GATA3: variants seen among roughly 807,000 people sequenced by gnomAD.
GATA3 encodes trans-acting T-cell-specific transcription factor GATA-3.
GATA3 carries 6 observed loss-of-function variants against 36.0 expected under a neutral mutation model. The ratio of observed to expected loss-of-function variants is 0.17; its 90% CI spans 0.09 to 0.33. The LOEUF (loss-of-function observed/expected upper bound fraction) is 0.33. Ranked by LOEUF, GATA3 falls within the 10% of genes least tolerant of loss-of-function variation. The pLI is 1.00. For synonymous variants in GATA3, 326 were observed against 273.0 expected (o/e 1.19, Z -1.92); for missense variants, 514 against 610.1 (o/e 0.84, Z 1.66).
Position 8,059,455 on chromosome 10 carries a change from G to C in GATA3, c.778+614G>C, listed in dbSNP as rs3781095. ...GGGAGAAAGCGGTGGCTTTGCATTG[G>C]GGAAGCAGAGTTGAATGAAAATCAA... On this transcript the variant is annotated intron_variant, in intron 3 of 5. Coordinates refer to ENST00000379328, the MANE Select transcript of GATA3 (RefSeq NM_001002295.2). Among the ~76,000 whole-genome samples the C allele has an allele frequency of 5.9e-5, 9 of 152,306 alleles. 1 individual carries two copies. The East Asian group carries it at 1.7e-3, about 29-fold the overall frequency.
At chr10:8,048,285 C>A (rs2131464989) in intron 1 of GATA3, among the ~76,000 whole-genome samples, 1 of 152,168 alleles carries the variant, frequency 6.6e-6, no homozygotes, top group East Asian at 1.9e-4. Context: ...GGGAGTGGAG[C>A]AGGTGACTCC....
chr10:8,050,873 C>A (rs763859093), upstream of GATA3: 7 of 446,274 alleles, frequency 1.6e-5, no homozygotes, highest in Non-Finnish European at 2.7e-5. Flanking sequence ...TTTAGGACTT[C>A]GACCCCGGGG....
chr10:8,054,233 A>G (rs1052634335), upstream of GATA3, among the ~76,000 whole-genome samples: 1 of 152,202 alleles, frequency 6.6e-6, no homozygotes. This position sits in a 1 kb window ranked among gnomAD's most constrained non-coding sequence, Gnocchi z 4.2. Flanking sequence ...AACACCCTGC[A>G]TTAGATCCTA....
intron 3 of GATA3, among the ~76,000 whole-genome samples, chr10:8,059,141 A>G (rs1343461425): frequency 6.6e-6 from 1 of 152,216 alleles, no homozygotes; most frequent in Non-Finnish European, 1.5e-5. Flanking sequence ...GGACTTCTGG[A>G]TTGGGCTGGT....
intron 5 of GATA3, among the ~76,000 whole-genome samples, chr10:8,071,702 G>A (rs968050595): frequency 1.3e-5 from 2 of 152,142 alleles, no homozygotes; most frequent in South Asian, 4.1e-4. Context: ...GGCGATTGAT[G>A]TGTATTGAAC....
intron 3 of GATA3, among the ~76,000 whole-genome samples, chr10:8,059,952 A>G (rs1832720187): frequency 6.6e-6 from 1 of 152,176 alleles, no homozygotes; most frequent in Non-Finnish European, 1.5e-5. Flanking sequence ...CTGTCTCTCT[A>G]CAGATCCTAT....
At chr10:8,052,469 GC>G (rs1401102701), upstream of GATA3, 8 of 152,204 alleles carry the variant, frequency 5.3e-5, no homozygotes, top group Non-Finnish European at 1.0e-4. Flanking sequence ...CCTGGCATCC[GC>G]AGCGTTTCTG....
chr10:8,063,896 A>T (rs1486592893), intron 3 of GATA3, 97 bp from the exon 4 acceptor site: 10 of 1,556,748 alleles, frequency 6.4e-6, no homozygotes, highest in East Asian at 4.5e-5. Context: ...GAAGGAAAAA[A>T]GTTCTCCATT....
At chr10:8,061,474 AAG>A (rs1470122730) in intron 3 of GATA3, among the ~76,000 whole-genome samples, 1 of 152,128 alleles carries the variant, frequency 6.6e-6, no homozygotes, top group East Asian at 1.9e-4. Flanking sequence ...CTTGTCACCT[AAG>A]AGAGAGGTGT....
chr10:8,050,119 AG>A (rs1483622576), upstream of GATA3, among the ~76,000 whole-genome samples: 1 of 152,226 alleles, frequency 6.6e-6, no homozygotes, highest in African/African-American at 2.4e-5. Flanking sequence ...CAAGGAAAGA[AG>A]CCGGCGCCTC....
rs758858256 is a variant in GATA3 at position 8,064,148 on chromosome 10, C to T, written c.924+10C>T. On this transcript the variant is annotated intron_variant, in intron 4 of 5. Coordinates refer to ENST00000379328, the MANE Select transcript of GATA3 (RefSeq NM_001002295.2). ...GCCCAAGCGAAGGCTGGTAAGTTCTCGGGAAGGGATGGATTCCATGCTGAC... is the reference window on the plus strand; with the variant it reads ...GCCCAAGCGAAGGCTGGTAAGTTCTTGGGAAGGGATGGATTCCATGCTGAC... 9.3e-6 allele frequency: 15 copies of T among 1,614,030 alleles called. No individual in the cohort carries two copies. The highest frequency in any genetic ancestry group is 5.5e-5 in the South Asian group (5 of 91,062).
chr10:8,069,313 T>C (rs1172753404), intron 4 of GATA3, among the ~76,000 whole-genome samples, 160 bp from the exon 5 acceptor site: 1 of 151,980 alleles, frequency 6.6e-6, no homozygotes, highest in African/African-American at 2.4e-5. Context: ...CGAGGCAGCT[T>C]TTGGGGATCT....
intron 5 of GATA3, 29 bp downstream of exon 5, chr10:8,069,627 G>A (rs2131512573): frequency 6.2e-7 from 1 of 1,613,502 alleles, no homozygotes; most frequent in Non-Finnish European, 8.5e-7. Context: ...GCAAGAACAG[G>A]GCTCGCTTCC....
chr10:8,048,903 C>A (rs72784604), upstream of GATA3, among the ~76,000 whole-genome samples: 8,539 of 130,072 alleles, frequency 0.066, 255 homozygotes, highest in Non-Finnish European at 0.075. Context: ...GTGGTAGTGG[C>A]GGTGGGAGGG....
upstream of GATA3, chr10:8,050,748 G>A: frequency 3.5e-6 from 1 of 289,090 alleles, no homozygotes; most frequent in East Asian, 1.3e-4. Context: ...CTGCCTCGCT[G>A]GAAATCCGAC....
rs1256191790 is a variant in GATA3, at chr10:8,058,530, C to A, written c.467C>A (p.Thr156Asn). The change falls in exon 3 of 6, where the codon ACC (threonine) becomes AAC (asparagine). Residue 156 changes from threonine to asparagine, a missense_variant. Around this residue, in one of 3 missense-constraint regions of GATA3, gnomAD observed 381 missense variants for 354.3 expected, o/e 1.08. Transcript: ENST00000379328. ...ASPHLFTFPP[T>N]PPKDVSPDPS... ...CCGCACCTCTTCACCTTCCCGCCCA[C>A]CCCGCCGAAGGACGTCTCCCCGGAC... 1.2e-6 allele frequency: 2 copies of A among 1,611,974 alleles called. No individual in the cohort carries two copies. The highest frequency in any genetic ancestry group is 1.1e-5 in the South Asian group (1 of 91,052).
chr10:8,055,511 C>A lies in GATA3; in HGVS notation c.-145C>A. On this transcript the variant is annotated 5_prime_UTR_variant, in exon 2 of 6. Coordinates refer to ENST00000379328, the MANE Select transcript of GATA3 (RefSeq NM_001002295.2). The surrounding 1 kb of genome is among the most constrained non-coding windows in gnomAD (Gnocchi z 5.4). ...CCTTTGCTCACCTTTGCTTCCCAGC[C>A]TTCCCATCCCCCCACCGAAAGCAAA... 1.1e-6 allele frequency: 1 copy of A among 890,678 alleles called. No homozygotes were observed. The highest frequency in any genetic ancestry group is 1.7e-6 in the Non-Finnish European group (1 of 590,716). The allele number at this position is 890,678 out of a possible 1,614,324, so 55.2% of individuals were successfully genotyped here.
Position 8,069,499 on chromosome 10 carries a change from C to T in GATA3, c.951C>T (p.Ser317=), listed in dbSNP as rs1243370813. The T allele has an allele frequency of 7.4e-6, 12 of 1,613,792 alleles. No homozygotes were observed. The highest frequency in any genetic ancestry group is 1.0e-5 in the Non-Finnish European group (12 of 1,179,944). The change falls in exon 5 of 6, where the codon TCC becomes TCT. Residue 317 remains serine, a synonymous_variant. Transcript: ENST00000379328. ...CTGCAGCCAGGAGAGCAGGGACGTC[C>T]TGTGCGAACTGTCAGACCACCACAA... ...RLSAARRAGT[S]CANCQTTTTT...
Position 8,058,299 on chromosome 10 carries a change from C to T in GATA3, c.242-6C>T. On this transcript the variant is annotated splice_polypyrimidine_tract_variant and splice_region_variant and intron_variant, in intron 2 of 5. Transcript: ENST00000379328. Reference sequence around the variant, plus strand: ...TCTCTCCTGCCCTTTCCCCGTTGCCCCACAGGGAGCCAGGTGTGCCGCCCG... The same window carrying T: ...TCTCTCCTGCCCTTTCCCCGTTGCCTCACAGGGAGCCAGGTGTGCCGCCCG... 3 of 1,613,586 alleles carry T rather than the reference C, an allele frequency of 1.9e-6. No individual in the cohort carries two copies. Among genetic ancestry groups the T allele is most frequent in the East Asian group, 2.2e-5 (1 of 44,870 alleles).
Sources: allele counts gnomAD v4.1 joint callset (sites outside exome capture counted in the v4.1 genomes callset), GRCh38; gene constraint gnomAD v4.1.1; regional missense constraint gnomAD v4.1.1; non-coding constraint Gnocchi (gnomAD v3.1); transcripts MANE v1.5; gene names NCBI Gene and HGNC (gene_info 2026-07-23, HGNC 2026-07-21).